DEAF1: variants seen among roughly 807,000 people sequenced by gnomAD.
DEAF1 encodes the protein deformed epidermal autoregulatory factor 1 homolog.
Under a neutral mutation model 58.9 loss-of-function variants are expected in DEAF1, and 53 were observed. The observed-to-expected ratio is 0.90, with a 90% CI of 0.72 to 1.13. DEAF1 has a LOEUF of 1.13. DEAF1 is among the 50% of genes most tolerant of loss of function. The pLI is 0.00. For missense variants in DEAF1, 685 were observed against 791.4 expected, an observed-to-expected ratio of 0.87 and a Z score of 1.61; for synonymous variants, 385 against 340.4, an observed-to-expected ratio of 1.13 and a Z score of -1.44.
Position 644,508 on chromosome 11 carries a change from G to A in DEAF1, c.*42C>T. 4.6e-6 allele frequency: 7 copies of A among 1,520,490 alleles called. No homozygotes were observed. The highest frequency in any genetic ancestry group is 6.3e-6 in the Non-Finnish European group (7 of 1,103,148). 94.2% of individuals were successfully genotyped at this position (1,520,490 alleles called of 1,614,324 possible). A position where few individuals can be genotyped will look rare whatever the true frequency, so the allele number is the denominator to read the frequency against. ...GCCTTCGACCTGCAAAAGCCTCACA[G>A]GAGTGCGAGGGGCCCCAGCTCCCAG... On this transcript the variant is annotated 3_prime_UTR_variant, in exon 12 of 12. Transcript: ENST00000382409. The surrounding 1 kb of genome is among the most constrained non-coding windows in gnomAD (Gnocchi z 4.3).
chr11:679,589 G>C, intron 8 of DEAF1, 99 bp downstream of exon 8: 1 of 1,572,104 alleles, frequency 6.4e-7, no homozygotes, highest in South Asian at 1.1e-5. Context: ...CCCTCTCGAG[G>C]CACCCAGCAG....
intron 4 of DEAF1, 49 bp downstream of exon 4, chr11:687,862 G>A (rs1051808004): frequency 4.3e-6 from 7 of 1,611,122 alleles, no homozygotes; most frequent in Middle Eastern, 1.7e-4. Context: ...TATGCTAGGG[G>A]GGTTACAAAG....
intron 11 of DEAF1, among the ~76,000 whole-genome samples, chr11:650,496 A>G (rs182160978): frequency 3.5e-4 from 53 of 152,046 alleles, no homozygotes; most frequent in Non-Finnish European, 7.2e-4. Flanking sequence ...TAGAAGTAAC[A>G]AGATGTTTGT....
chr11:671,849 AGAAAC>A (rs1564937897), intron 10 of DEAF1, among the ~76,000 whole-genome samples: 1 of 52,788 alleles, frequency 1.9e-5, no homozygotes, highest in Non-Finnish European at 4.7e-5. Context: ...AAAAAAAAAA[AGAAAC>A]ACAAAAAACA....
At chr11:699,305 C>T, upstream of DEAF1, 1 of 217,980 alleles carries the variant, frequency 4.6e-6, no homozygotes, top group East Asian at 1.1e-4. Context: ...GCAGCCTCAG[C>T]CTCCTGAAGC....
chr11:674,771 A>C lies in DEAF1; in HGVS notation c.1268T>G (p.Leu423Arg). The change falls in exon 10 of 12, where the codon CTG (leucine) becomes CGG (arginine). Residue 423 changes from leucine (L) to arginine (R), a missense_variant. By Grantham distance (102) the Leu-to-Arg change is moderately radical. Coordinates refer to ENST00000382409, the MANE Select transcript of DEAF1 (RefSeq NM_021008.4). ...TSHPKIVLTS[L>R]PALAVPPPTP... The stretch of plus-strand genomic sequence containing the variant: ...CGGGGGTGGGACCGCCAGCGCAGGC[A>C]GGGATGTCAACACTAGAGCATTTGG... The C allele has an allele frequency of 6.2e-7, 1 of 1,612,242 alleles. No individual in the cohort carries two copies. The highest frequency in any genetic ancestry group is 8.5e-7 in the Non-Finnish European group (1 of 1,180,024).
At chr11:687,673 A>G (rs1318322850) in intron 4 of DEAF1, among the ~76,000 whole-genome samples, 1 of 152,054 alleles carries the variant, frequency 6.6e-6, no homozygotes, top group Non-Finnish European at 1.5e-5. Flanking sequence ...AATTTTTTGT[A>G]TTTTTAGTAG....
intron 10 of DEAF1, 141 bp from the exon 11 acceptor site, chr11:654,192 G>A (rs1858937142): frequency 3.3e-6 from 2 of 614,794 alleles, no homozygotes; most frequent in Admixed American, 2.9e-5. Flanking sequence ...TTTTTGAGAT[G>A]GAGTCTCACT....
rs7112962 is a variant in DEAF1, at chr11:654,091, G to A, written c.1504-40C>T. 0.44 allele frequency: 699,028 copies of A among 1,582,452 alleles called. 157,912 individuals are homozygous for A. The highest frequency in any genetic ancestry group is 0.58 in the East Asian group (25,586 of 44,460). ...CAACAGGCCAGTCAGTGACGTGGCC[G>A]TGGAGAGCCCCTGAGACACCGGGGA... On this transcript the variant is annotated intron_variant, in intron 10 of 11. Coordinates refer to ENST00000382409, the MANE Select transcript of DEAF1 (RefSeq NM_021008.4).
Position 677,962 on chromosome 11 carries a change from C to CAAA in DEAF1, c.1255+729_1255+731dup, listed in dbSNP as rs34157642. Among the ~76,000 whole-genome samples, 964 of 140,152 alleles carry CAAA rather than the reference C, an allele frequency of 6.9e-3. 10 individuals carry two copies. The highest frequency in any genetic ancestry group is 0.026 in the Admixed American group (362 of 14,074). 91.9% of individuals were successfully genotyped at this position (140,152 alleles called of 152,430 possible). A position where few individuals can be genotyped will look rare whatever the true frequency, so the allele number is the denominator to read the frequency against. On this transcript the variant is annotated intron_variant, in intron 9 of 11. Coordinates refer to ENST00000382409, the MANE Select transcript of DEAF1 (RefSeq NM_021008.4). The stretch of plus-strand genomic sequence containing the variant: ...TGGGCGACAGAGTGACACTCTGTCT[C>CAAA]AAAAAAAAAAACAAAAAACGTATAA...
At chr11:685,626 C>T (rs1484510063) in intron 5 of DEAF1, among the ~76,000 whole-genome samples, 2 of 151,968 alleles carry the variant, frequency 1.3e-5, no homozygotes, top group African/African-American at 4.8e-5. Flanking sequence ...ACCCGGGAGG[C>T]AGAGGTTACA....
Position 644,568 on chromosome 11 carries a change from C to T in DEAF1, c.1680G>A (p.Met560Ile). 1 of 1,613,018 alleles carries T rather than the reference C, an allele frequency of 6.2e-7. No individual in the cohort carries two copies. Residue 560 changes from methionine (M) to isoleucine (I), a missense_variant, in exon 12 of 12, where the codon ATG (methionine) becomes ATA (isoleucine). By Grantham distance (10) the Met-to-Ile change is conservative. This residue lies in a region of DEAF1 where 343 missense variants were observed against 379.8 expected (regional missense o/e 0.90). Transcript: ENST00000382409. This position sits in a 1 kb window ranked among gnomAD's most constrained non-coding sequence, Gnocchi z 4.3. ...ADEVHVAESV[M>I]EKVTV ...TGGAGCCTCACACGGTCACCTTCTC[C>T]ATCACGCTTTCAGCCACGTGGACTT...
At chr11:695,527 G>T (rs1339458514), upstream of DEAF1, 5 of 1,073,572 alleles carry the variant, frequency 4.7e-6, no homozygotes, top group Non-Finnish European at 5.9e-6. Context: ...TTAGTGCCGC[G>T]GGTTTCGCCC....
intron 10 of DEAF1, among the ~76,000 whole-genome samples, chr11:672,451 GA>G (rs1859873156): frequency 6.6e-6 from 1 of 152,068 alleles, no homozygotes; most frequent in Admixed American, 6.6e-5. Flanking sequence ...CCCTAACATT[GA>G]ATACGGCCTG....
At chr11:655,803 T>G (rs528038805) in intron 10 of DEAF1, among the ~76,000 whole-genome samples, 1 of 152,092 alleles carries the variant, frequency 6.6e-6, no homozygotes, top group Admixed American at 6.6e-5. Context: ...CTAATTTAGG[T>G]TGCCCCCTGC....
chr11:644,242 TAC>T lies in DEAF1; in HGVS notation c.*306_*307del, dbSNP rs1858369437. ...CCGTGTGGGGCAGGGAGACCTTATT[TAC>T]ACTTTATTGACAGACACAACACGTA... On this transcript the variant is annotated 3_prime_UTR_variant, in exon 12 of 12. Coordinates refer to ENST00000382409, the MANE Select transcript of DEAF1 (RefSeq NM_021008.4). This position sits in a 1 kb window ranked among gnomAD's most constrained non-coding sequence, Gnocchi z 4.3. The T allele has an allele frequency of 4.3e-6, 2 of 468,790 alleles. No individual in the cohort carries two copies. Among genetic ancestry groups the T allele is most frequent in the Admixed American group, 3.4e-5 (1 of 29,726 alleles). The allele number at this position is 468,790 out of a possible 1,614,324, so 29.0% of individuals were successfully genotyped here.
At chr11:700,095 G>T (rs372415357), upstream of DEAF1, 64 of 1,542,464 alleles carry the variant, frequency 4.1e-5, no homozygotes, top group Non-Finnish European at 5.5e-5. Context: ...CACCTGGGAG[G>T]CTGCTCCCAA....
At chr11:659,823 G>A (rs1859236171) in intron 10 of DEAF1, among the ~76,000 whole-genome samples, 1 of 152,224 alleles carries the variant, frequency 6.6e-6, no homozygotes, top group Non-Finnish European at 1.5e-5. Context: ...GGAGAGGGGA[G>A]AGTGAGCAGG....
At chr11:670,285 C>T (rs1232739539) in intron 10 of DEAF1, among the ~76,000 whole-genome samples, 2 of 152,030 alleles carry the variant, frequency 1.3e-5, no homozygotes, top group Non-Finnish European at 2.9e-5. Flanking sequence ...CAAAAGGACA[C>T]ACAGTAAGTG....
Sources: gnomAD v4.1 joint callset for allele counts (sites outside exome capture counted in the v4.1 genomes callset) on GRCh38, gnomAD v4.1.1 for gene constraint, gnomAD v4.1.1 regional missense constraint, Gnocchi (gnomAD v3.1) non-coding constraint, MANE v1.5 for transcripts, NCBI Gene and HGNC (gene_info 2026-07-23, HGNC 2026-07-21) for gene names.